CCNY: variants seen among roughly 807,000 people sequenced by gnomAD.
CCNY encodes the protein cyclin-Y.
CCNY carries 19 observed loss-of-function variants against 42.8 expected under a neutral mutation model. That is an observed-to-expected ratio of 0.44 (90% confidence interval 0.31 to 0.65). The LOEUF is 0.65. Among genes scored for constraint, CCNY ranks in the 30% least tolerant of loss-of-function variants. The pLI is 0.07. For synonymous variants in CCNY, 165 were observed against 162.7 expected, an observed-to-expected ratio of 1.01 and a Z score of -0.11; for missense variants, 370 against 437.3, an observed-to-expected ratio of 0.85 and a Z score of 1.37.
At chr10:35,380,024 C>G (rs1211230800) in intron 1 of CCNY, among the ~76,000 whole-genome samples, 2 of 152,172 alleles carry the variant, frequency 1.3e-5, no homozygotes, top group African/African-American at 4.8e-5. Context: ...TATGGGAGGA[C>G]TACTTTGTGT....
intron 1 of CCNY, among the ~76,000 whole-genome samples, chr10:35,433,595 T>C (rs1462348975): frequency 1.3e-5 from 2 of 152,240 alleles, no homozygotes; most frequent in Non-Finnish European, 2.9e-5. Context: ...TGTATTAGTC[T>C]TGGTTCTACC....
At chr10:35,298,017 A>G (rs1322649556) in intron 3 of CCNY, among the ~76,000 whole-genome samples, 2 of 152,174 alleles carry the variant, frequency 1.3e-5, no homozygotes, top group African/African-American at 2.4e-5. Flanking sequence ...AAAAAAAAAA[A>G]AAGAGCCTGA....
Position 35,302,387 on chromosome 10 carries a change from T to C in CCNY, c.-9+51761T>C, listed in dbSNP as rs1835548407. Among the ~76,000 whole-genome samples the C allele has an allele frequency of 5.3e-5, 8 of 151,060 alleles. No individual in the cohort carries two copies. In the South Asian group the frequency reaches 1.7e-3, roughly 32 times the overall value. Reference sequence around the variant, plus strand: ...GTGCAGTGGCGCGATCTCGGCTCACTGCAACCTCCGTCTCCTGGGTTCAAG... The same window carrying C: ...GTGCAGTGGCGCGATCTCGGCTCACCGCAACCTCCGTCTCCTGGGTTCAAG... On this transcript the variant is annotated intron_variant, in intron 3 of 11. Transcript: ENST00000374706.
chr10:35,394,582 C>T (rs185326142), intron 1 of CCNY, among the ~76,000 whole-genome samples: 14 of 152,306 alleles, frequency 9.2e-5, no homozygotes, highest in Admixed American at 6.5e-4. Context: ...TTGTTTGGAC[C>T]GGTCAGAGGT....
At chr10:35,419,692 A>G (rs1027333265) in intron 1 of CCNY, among the ~76,000 whole-genome samples, 1 of 152,190 alleles carries the variant, frequency 6.6e-6, no homozygotes, top group African/African-American at 2.4e-5. Context: ...ATACAACTCA[A>G]TTAGTCCTAC....
chr10:35,260,859 A>G (rs1302073380), intron 3 of CCNY, among the ~76,000 whole-genome samples: 1 of 152,168 alleles, frequency 6.6e-6, no homozygotes, highest in East Asian at 1.9e-4. Flanking sequence ...TGTGGCTCAA[A>G]TCTATAATCC....
intron 1 of CCNY, among the ~76,000 whole-genome samples, chr10:35,395,555 C>G (rs1026632775): frequency 6.6e-6 from 1 of 150,712 alleles, no homozygotes; most frequent in Non-Finnish European, 1.5e-5. Flanking sequence ...CAGTAGAGGA[C>G]GAGGAACACA....
At chr10:35,382,548 A>C (rs147194190) in intron 1 of CCNY, among the ~76,000 whole-genome samples, 1 of 152,250 alleles carries the variant, frequency 6.6e-6, no homozygotes, top group African/African-American at 2.4e-5. Context: ...CATTTTAGTT[A>C]TCACCACTGG....
intron 1 of CCNY, among the ~76,000 whole-genome samples, chr10:35,448,671 T>C (rs1427017604): frequency 1.3e-5 from 2 of 150,828 alleles, no homozygotes; most frequent in African/African-American, 4.9e-5. Flanking sequence ...CCCAGCAGAG[T>C]GGGCATGCGC....
At chr10:35,290,368 A>G (rs1404024211) in intron 3 of CCNY, among the ~76,000 whole-genome samples, 1 of 151,892 alleles carries the variant, frequency 6.6e-6, no homozygotes, top group African/African-American at 2.4e-5. Flanking sequence ...GTGAGCTGAG[A>G]TTGTGCCACT....
chr10:35,401,929 T>G (rs1837653799), intron 1 of CCNY, among the ~76,000 whole-genome samples: 1 of 152,224 alleles, frequency 6.6e-6, no homozygotes, highest in Non-Finnish European at 1.5e-5. Context: ...TCACTTCTTT[T>G]GTGGATCTTC....
intron 3 of CCNY, among the ~76,000 whole-genome samples, chr10:35,282,427 TATTTTAAA>T (rs1305083850): frequency 2.6e-5 from 4 of 152,020 alleles, no homozygotes; most frequent in African/African-American, 9.7e-5. Flanking sequence ...AAGCCCAGCC[TATTTTAAA>T]AATCTGAACA....
At chr10:35,443,909 A>C (rs1008905932) in intron 1 of CCNY, among the ~76,000 whole-genome samples, 2 of 152,192 alleles carry the variant, frequency 1.3e-5, no homozygotes, top group African/African-American at 4.8e-5. Flanking sequence ...GCCAATCAGG[A>C]CAAGTACAGA....
At chr10:35,273,842 C>T in intron 3 of CCNY, among the ~76,000 whole-genome samples, 1 of 152,192 alleles carries the variant, frequency 6.6e-6, no homozygotes, top group Non-Finnish European at 1.5e-5. Context: ...TTTCCCACCA[C>T]AGGTCCCTCT....
At chr10:35,554,633 C>G (rs1169032983) in intron 8 of CCNY, among the ~76,000 whole-genome samples, 7 of 152,060 alleles carry the variant, frequency 4.6e-5, no homozygotes, top group African/African-American at 9.7e-5. Flanking sequence ...TCCTGGCTGT[C>G]CCCTCCTGTT....
chr10:35,468,876 C>T (rs1482499907), intron 1 of CCNY, among the ~76,000 whole-genome samples: 1 of 152,136 alleles, frequency 6.6e-6, no homozygotes, highest in Non-Finnish European at 1.5e-5. Flanking sequence ...GCAGTTGCTC[C>T]CCCTGCCAGC....
intron 1 of CCNY, among the ~76,000 whole-genome samples, chr10:35,475,894 A>G (rs1386030211): frequency 1.3e-5 from 2 of 151,634 alleles, no homozygotes; most frequent in Admixed American, 6.6e-5. Context: ...CAGGAAACCC[A>G]TCTCACGTGC....
At chr10:35,289,209 TA>T (rs939579984) in intron 3 of CCNY, among the ~76,000 whole-genome samples, 17 of 152,136 alleles carry the variant, frequency 1.1e-4, no homozygotes, top group African/African-American at 2.2e-4. Context: ...GCTGGTAGTA[TA>T]AAAAATACAG....
At chr10:35,312,147 G>A (rs1835692962) in intron 3 of CCNY, among the ~76,000 whole-genome samples, 2 of 152,064 alleles carry the variant, frequency 1.3e-5, no homozygotes, top group South Asian at 4.1e-4. Context: ...GGACGCTGAG[G>A]CAGGCGGATC....
Sources: gnomAD v4.1 joint callset for allele counts (sites outside exome capture counted in the v4.1 genomes callset) on GRCh38, gnomAD v4.1.1 for gene constraint, MANE v1.5 for transcripts, NCBI Gene and HGNC (gene_info 2026-07-23, HGNC 2026-07-21) for gene names.